The following MRGPRG variants were observed in gnomAD, a reference collection of about 807,000 sequenced individuals.
MRGPRG encodes the protein mas-related G protein-coupled receptor member G.
For missense variants in MRGPRG, 395 were observed against 394.7 expected (o/e 1.00, Z -0.01); for synonymous variants, 216 against 206.7 (o/e 1.05, Z -0.39).
At position 3,218,302 on chromosome 11, in the gene MRGPRG, G is replaced by T; in HGVS notation, c.512C>A (p.Ala171Asp). The change falls in exon 1 of 1, where the codon GCC becomes GAC. Residue 171 changes from alanine (A) to aspartate (D), a missense_variant. By Grantham distance (126) the Ala-to-Asp change is moderately radical. Coordinates refer to ENST00000332314, the MANE Select transcript of MRGPRG (RefSeq NM_001164377.1). ...CACGCCAGCCGTCCAGGCGACGCGG[G>T]CCAGCACCAGGAACCAGGTGACGCT... ...VASVTWFLVL[A>D]RVAWTAGVVL... 6.9e-7 allele frequency: 1 copy of T among 1,458,774 alleles called. No individual in the cohort carries two copies. Among genetic ancestry groups the T allele is most frequent in the South Asian group, 1.5e-5 (1 of 68,962 alleles). The allele number at this position is 1,458,774 out of a possible 1,614,324, so 90.4% of individuals were successfully genotyped here. A position where few individuals can be genotyped will look rare whatever the true frequency, so the allele number is the denominator to read the frequency against.
In MRGPRG at chr11:3,218,277, C is replaced by A. The variant is rs1847645566; in HGVS notation, c.537G>T (p.Val179=). ...VLARVAWTAG[V]VLFVWVTCCS... ...AGCAGGTCACCCAGACAAAGAGGAC[C>A]ACGCCAGCCGTCCAGGCGACGCGGG... The change falls in exon 1 of 1, where the codon GTG becomes GTT. Residue 179 remains valine, a synonymous_variant. Transcript: ENST00000332314. The A allele has an allele frequency of 6.8e-7, 1 of 1,468,566 alleles. No homozygotes were observed. The highest frequency in any genetic ancestry group is 9.0e-7 in the Non-Finnish European group (1 of 1,107,210). The allele number at this position is 1,468,566 out of a possible 1,614,324, so 91.0% of individuals were successfully genotyped here.
Position 3,218,057 on chromosome 11 carries a change from A to T in MRGPRG, c.757T>A (p.Leu253Met). ...SSSKPLIYSG[L>M]GRQPGKREPL... is the part of the protein sequence containing the mutation. ...TCCCGCTTCCCGGGCTGTCGGCCCA[A>T]CCCCGAGTAGATGAGGGGCTTGGAG... The change falls in exon 1 of 1, where the codon TTG becomes ATG. Residue 253 changes from leucine to methionine, a missense_variant. Coordinates refer to ENST00000332314, the MANE Select transcript of MRGPRG (RefSeq NM_001164377.1). The T allele has an allele frequency of 6.5e-7, 1 of 1,544,388 alleles. No homozygotes were observed. Among genetic ancestry groups the T allele is most frequent in the Non-Finnish European group, 8.7e-7 (1 of 1,143,368 alleles).
In MRGPRG at chr11:3,218,145, C is replaced by G. The variant is rs902883905; in HGVS notation, c.669G>C (p.Leu223=). 8 of 1,544,460 alleles carry G rather than the reference C, an allele frequency of 5.2e-6. 1 individual carries two copies. The African/African-American group carries it at 6.9e-5, about 13-fold the overall frequency. The part of the protein sequence containing the change: ...PSVFYWSLQP[L]LNFLLPVFSP... ...AAAACACGGGCAGCAGGAAGTTCAG[C>G]AGGGGCTGCAGGCTCCAGTAGAAGA... Residue 223 remains leucine, a synonymous_variant, in exon 1 of 1, where the codon CTG becomes CTC. Transcript: ENST00000332314.
At position 3,218,799 on chromosome 11, in the gene MRGPRG, G is replaced by C; in HGVS notation, c.15C>G (p.Phe5Leu). The change falls in exon 1 of 1, where the codon TTC (phenylalanine) becomes TTG (leucine). Residue 5 changes from phenylalanine (F) to leucine (L), a missense_variant. By Grantham distance (22) the Phe-to-Leu change is conservative (BLOSUM62 0). Transcript: ENST00000332314. MFGL[F>L]GLWRTFDSVV... ...CACTGTCGAAGGTTCTCCAGAGGCCGAACAGCCCAAACATCCTGGCCGGCT... is the reference window on the plus strand; with the variant it reads ...CACTGTCGAAGGTTCTCCAGAGGCCCAACAGCCCAAACATCCTGGCCGGCT... 1 of 1,542,712 alleles carries C rather than the reference G, an allele frequency of 6.5e-7. No homozygotes were observed. Among genetic ancestry groups the C allele is most frequent in the Non-Finnish European group, 8.8e-7 (1 of 1,142,052 alleles).
Position 3,218,372 on chromosome 11 carries a change from G to T in MRGPRG, c.442C>A (p.Arg148Ser), listed in dbSNP as rs1847646904. 4 of 1,479,006 alleles carry T rather than the reference G, an allele frequency of 2.7e-6. 1 individual carries two copies. The highest frequency in any genetic ancestry group is 1.4e-5 in the South Asian group (1 of 71,892). The allele number at this position is 1,479,006 out of a possible 1,614,324, so 91.6% of individuals were successfully genotyped here. Residue 148 changes from arginine to serine, a missense_variant, in exon 1 of 1, where the codon CGC (arginine) becomes AGC (serine). Transcript: ENST00000332314. ...CAGACCAGGGGGCACGCGCTGTTGCGCAGCAGGCCGCAGGCGTTGGCGGGC... is the reference window on the plus strand; with the variant it reads ...CAGACCAGGGGGCACGCGCTGTTGCTCAGCAGGCCGCAGGCGTTGGCGGGC... ...PLPANACGLL[R>S]NSACPLVCPR...
rs1409223504 is a variant in MRGPRG at position 3,218,057 on chromosome 11, A to G, written c.757T>C (p.Leu253=). The G allele has an allele frequency of 1.3e-6, 2 of 1,544,388 alleles. No individual in the cohort carries two copies. The highest frequency in any genetic ancestry group is 2.4e-5 in the East Asian group (1 of 40,860). ...TCCCGCTTCCCGGGCTGTCGGCCCAACCCCGAGTAGATGAGGGGCTTGGAG... is the reference window on the plus strand; with the variant it reads ...TCCCGCTTCCCGGGCTGTCGGCCCAGCCCCGAGTAGATGAGGGGCTTGGAG... The part of the protein sequence containing the change: ...SSSKPLIYSG[L]GRQPGKREPL... The change falls in exon 1 of 1, where the codon TTG becomes CTG. Residue 253 remains leucine (L), a synonymous_variant. Coordinates refer to ENST00000332314, the MANE Select transcript of MRGPRG (RefSeq NM_001164377.1).
At position 3,218,324 on chromosome 11, in the gene MRGPRG, C is replaced by T. The variant is rs753220186; in HGVS notation, c.490G>A (p.Val164Ile). The T allele has an allele frequency of 1.4e-6, 2 of 1,454,384 alleles. No individual in the cohort carries two copies. Among genetic ancestry groups the T allele is most frequent in the Non-Finnish European group, 1.8e-6 (2 of 1,103,074 alleles). 90.1% of individuals were successfully genotyped at this position (1,454,384 alleles called of 1,614,324 possible). ...CGGGCCAGCACCAGGAACCAGGTGA[C>T]GCTGGCCACGTGGTAGCGCGGGCAG... ...LVCPRYHVAS[V>I]TWFLVLARVA... The change falls in exon 1 of 1, where the codon GTC becomes ATC. Residue 164 changes from valine (V) to isoleucine (I), a missense_variant. Transcript: ENST00000332314.
Position 3,218,546 on chromosome 11 carries a change from C to T in MRGPRG, c.268G>A (p.Ala90Thr), listed in dbSNP as rs1461292598. 23 of 1,545,352 alleles carry T rather than the reference C, an allele frequency of 1.5e-5. No homozygotes were observed. The highest frequency in any genetic ancestry group is 2.0e-5 in the Admixed American group (1 of 50,822). Residue 90 changes from alanine to threonine, a missense_variant, in exon 1 of 1, where the codon GCG becomes ACG. Transcript: ENST00000332314. ...GCCGCCAGCAGCCAGAGCCCCACCG[C>T]GAACCACAGGAAGGTGAGCACGAAG... ...LYFVLTFLWF[A>T]VGLWLLAAFS...
At position 3,218,169 on chromosome 11, in the gene MRGPRG, G is replaced by C; in HGVS notation, c.645C>G (p.Val215=). The part of the protein sequence containing the change: ...LLLFFCGLPS[V]FYWSLQPLLN... Reference sequence around the variant, plus strand: ...GCAGGGGCTGCAGGCTCCAGTAGAAGACCGAGGGCAGGCCACAGAAGAAGA... The same window carrying C: ...GCAGGGGCTGCAGGCTCCAGTAGAACACCGAGGGCAGGCCACAGAAGAAGA... Residue 215 remains valine (V), a synonymous_variant, in exon 1 of 1, where the codon GTC becomes GTG. Transcript: ENST00000332314. 1 of 1,543,486 alleles carries C rather than the reference G, an allele frequency of 6.5e-7. No homozygotes were observed. Among genetic ancestry groups the C allele is most frequent in the African/African-American group, 1.4e-5 (1 of 72,910 alleles).
Position 3,218,051 on chromosome 11 carries a change from G to C in MRGPRG, c.763C>G (p.Arg255Gly). The change falls in exon 1 of 1, where the codon CGA (arginine) becomes GGA (glycine). Residue 255 changes from arginine (R) to glycine (G), a missense_variant. Transcript: ENST00000332314. ...AGCGGCTCCCGCTTCCCGGGCTGTC[G>C]GCCCAACCCCGAGTAGATGAGGGGC... ...SKPLIYSGLG[R>G]QPGKREPLRS... 1 of 1,544,024 alleles carries C rather than the reference G, an allele frequency of 6.5e-7. No homozygotes were observed.
In MRGPRG at chr11:3,218,373, C is replaced by T; in HGVS notation, c.441G>A (p.Leu147=). 6.8e-7 allele frequency: 1 copy of T among 1,480,496 alleles called. No homozygotes were observed. Among genetic ancestry groups the T allele is most frequent in the South Asian group, 1.4e-5 (1 of 72,080 alleles). The allele number at this position is 1,480,496 out of a possible 1,614,324, so 91.7% of individuals were successfully genotyped here. ...AGACCAGGGGGCACGCGCTGTTGCG[C>T]AGCAGGCCGCAGGCGTTGGCGGGCA... ...VPLPANACGL[L]RNSACPLVCP... is the part of the protein sequence containing the mutation. The change falls in exon 1 of 1, where the codon CTG becomes CTA. Residue 147 remains leucine, a synonymous_variant. Transcript: ENST00000332314.
rs1206530962 is a variant in MRGPRG, at chr11:3,218,703, G to A, written c.111C>T (p.Leu37=). The A allele has an allele frequency of 6.5e-7, 1 of 1,546,090 alleles. No individual in the cohort carries two copies. The highest frequency in any genetic ancestry group is 2.0e-5 in the Admixed American group (1 of 50,838). ...PVGNGLVLWN[L]GFRIKKGPFS... ...AGGGGCCCTTCTTGATGCGGAAGCC[G>A]AGGTTCCAGAGCACCAGCCCGTTAC... The change falls in exon 1 of 1, where the codon CTC becomes CTT. Residue 37 remains leucine (L), a synonymous_variant. Coordinates refer to ENST00000332314, the MANE Select transcript of MRGPRG (RefSeq NM_001164377.1).
chr11:3,218,399 G>T lies in MRGPRG; in HGVS notation c.415C>A (p.Leu139Met). The T allele has an allele frequency of 6.6e-7, 1 of 1,506,352 alleles. No homozygotes were observed. Among genetic ancestry groups the T allele is most frequent in the Non-Finnish European group, 8.8e-7 (1 of 1,130,100 alleles). The allele number at this position is 1,506,352 out of a possible 1,614,324, so 93.3% of individuals were successfully genotyped here. ...AGCAGGCCGCAGGCGTTGGCGGGCA[G>T]CGGCACGGCCGGCAGGGTCGGGGTC... ...VWTPTLPAVP[L>M]PANACGLLRN... Residue 139 changes from leucine to methionine, a missense_variant, in exon 1 of 1, where the codon CTG becomes ATG. By Grantham distance (15) the Leu-to-Met change is conservative. Transcript: ENST00000332314.
In MRGPRG at chr11:3,218,723, C is replaced by T. The variant is rs1270370637; in HGVS notation, c.91G>A (p.Gly31Arg). The T allele has an allele frequency of 5.2e-6, 8 of 1,545,964 alleles. No homozygotes were observed. Among genetic ancestry groups the T allele is most frequent in the South Asian group, 4.8e-5 (4 of 83,490 alleles). ...AAGCCGAGGTTCCAGAGCACCAGCC[C>T]GTTACCTACCGGTCCCCCGAGGCCC... ...IVGLGGPVGN[G>R]LVLWNLGFRI... The change falls in exon 1 of 1, where the codon GGG becomes AGG. Residue 31 changes from glycine to arginine, a missense_variant. Gly to Arg is a moderately radical substitution (Grantham distance 125). Coordinates refer to ENST00000332314, the MANE Select transcript of MRGPRG (RefSeq NM_001164377.1).
In MRGPRG at chr11:3,218,677, A is replaced by C. The variant is rs1402730645; in HGVS notation, c.137T>G (p.Phe46Cys). 5 of 1,546,012 alleles carry C rather than the reference A, an allele frequency of 3.2e-6. No homozygotes were observed. The African/African-American group carries it at 6.9e-5, about 21-fold the overall frequency. ...GGCCAGGTGCAGCAGGTAGATGGAGAAGGGGCCCTTCTTGATGCGGAAGCC... is the reference window on the plus strand; with the variant it reads ...GGCCAGGTGCAGCAGGTAGATGGAGCAGGGGCCCTTCTTGATGCGGAAGCC... ...NLGFRIKKGP[F>C]SIYLLHLAAA... is the part of the protein sequence containing the mutation. Residue 46 changes from phenylalanine to cysteine, a missense_variant, in exon 1 of 1, where the codon TTC becomes TGC. Transcript: ENST00000332314.
Position 3,218,538 on chromosome 11 carries a change from C to G in MRGPRG, c.276G>C (p.Gly92=). The G allele has an allele frequency of 6.5e-7, 1 of 1,545,382 alleles. No individual in the cohort carries two copies. The highest frequency in any genetic ancestry group is 8.7e-7 in the Non-Finnish European group (1 of 1,143,868). The part of the protein sequence containing the change: ...FVLTFLWFAV[G]LWLLAAFSVE... ...CGCTGAAGGCCGCCAGCAGCCAGAG[C>G]CCCACCGCGAACCACAGGAAGGTGA... Residue 92 remains glycine, a synonymous_variant, in exon 1 of 1, where the codon GGG becomes GGC. Transcript: ENST00000332314.
chr11:3,218,141 T>C lies in MRGPRG; in HGVS notation c.673A>G (p.Asn225Asp). 6.5e-7 allele frequency: 1 copy of C among 1,544,610 alleles called. No individual in the cohort carries two copies. The highest frequency in any genetic ancestry group is 8.7e-7 in the Non-Finnish European group (1 of 1,143,356). Residue 225 changes from asparagine to aspartate, a missense_variant, in exon 1 of 1, where the codon AAC becomes GAC. Asn to Asp is a conservative substitution (Grantham distance 23, BLOSUM62 1). Coordinates refer to ENST00000332314, the MANE Select transcript of MRGPRG (RefSeq NM_001164377.1). Reference sequence around the variant, plus strand: ...GGGGAAAACACGGGCAGCAGGAAGTTCAGCAGGGGCTGCAGGCTCCAGTAG... The same window carrying C: ...GGGGAAAACACGGGCAGCAGGAAGTCCAGCAGGGGCTGCAGGCTCCAGTAG... ...VFYWSLQPLLNFLLPVFSPLA... is the reference protein window; with the variant it reads ...VFYWSLQPLLDFLLPVFSPLA...
chr11:3,218,524 G>T lies in MRGPRG; in HGVS notation c.290C>A (p.Ala97Glu). The part of the protein sequence containing the change: ...LWFAVGLWLL[A>E]AFSVERCLSD... ...GAGGCAGCGCTCCACGCTGAAGGCC[G>T]CCAGCAGCCAGAGCCCCACCGCGAA... The change falls in exon 1 of 1, where the codon GCG becomes GAG. Residue 97 changes from alanine to glutamate, a missense_variant. Ala to Glu is a moderately radical substitution (Grantham distance 107). Transcript: ENST00000332314. The T allele has an allele frequency of 1.9e-6, 3 of 1,545,232 alleles. No homozygotes were observed. The highest frequency in any genetic ancestry group is 2.4e-5 in the East Asian group (1 of 40,870).
In MRGPRG at chr11:3,218,218, A is replaced by T; in HGVS notation, c.596T>A (p.Ile199Asn). ...GAGCAGGAGCAGCGCGCCCAGGACG[A>T]TGCCGTAGAGCCTGGGCCGCGGGCG... Reference protein sequence around the residue: ...STRPRPRLYGIVLGALLLLFF... With the variant: ...STRPRPRLYGNVLGALLLLFF... Residue 199 changes from isoleucine (I) to asparagine (N), a missense_variant, in exon 1 of 1, where the codon ATC becomes AAC. Physicochemically the swap from Ile to Asn is moderately radical, Grantham distance 149 (BLOSUM62 -3). Coordinates refer to ENST00000332314, the MANE Select transcript of MRGPRG (RefSeq NM_001164377.1). 7 of 1,527,310 alleles carry T rather than the reference A, an allele frequency of 4.6e-6. No homozygotes were observed. Among genetic ancestry groups the T allele is most frequent in the South Asian group, 1.2e-5 (1 of 81,430 alleles). 94.6% of individuals were successfully genotyped at this position (1,527,310 alleles called of 1,614,324 possible).
Sources: gnomAD v4.1 joint callset for allele counts on GRCh38, gnomAD v4.1.1 for gene constraint, MANE v1.5 for transcripts, NCBI Gene and HGNC (gene_info 2026-07-23, HGNC 2026-07-21) for gene names.